The following CDKN1C variants were observed in gnomAD, a reference collection of about 807,000 sequenced individuals.
The protein encoded by CDKN1C is cyclin dependent kinase inhibitor 1C.
In CDKN1C, 7 loss-of-function variants were observed where a neutral mutation model predicts 16.5. That is an observed-to-expected ratio of 0.42 (90% CI 0.24 to 0.80). The LOEUF (loss-of-function observed/expected upper bound fraction) is 0.80, where lower values mean the gene tolerates loss of function less well. Among genes scored for constraint, CDKN1C ranks in the 30% least tolerant of loss-of-function variants. CDKN1C has a pLI of 0.26. For synonymous variants in CDKN1C, 288 were observed against 214.4 expected (o/e 1.34, Z -3.00); for missense variants, 429 against 437.3 (o/e 0.98, Z 0.17).
intron 2 of CDKN1C, 112 bp from the exon 3 acceptor site, chr11:2,884,246 GC>G (rs1056381793): frequency 5.6e-5 from 39 of 698,898 alleles, no homozygotes; most frequent in Non-Finnish European, 6.9e-5. Context: ...CGCCGTCCCC[GC>G]CCGCGCCGAG....
rs2583440 is a variant in CDKN1C, at chr11:2,884,879, G to A, written c.578C>T (p.Pro193Leu). Residue 193 changes from proline (P) to leucine (L), a missense_variant, in exon 2 of 4, where the codon CCG (proline) becomes CTG (leucine). Transcript: ENST00000440480. ...PVAAPAPAPAPAPAPAPAPAP... is the reference protein window; with the variant it reads ...PVAAPAPAPALAPAPAPAPAP... Reference sequence around the variant, plus strand: ...CGGGGCGGGGGCCGGGGCCGGGGCCGGGGCCGGGGCTGGGGCCGGGGCCGC... The same window carrying A: ...CGGGGCGGGGGCCGGGGCCGGGGCCAGGGCCGGGGCTGGGGCCGGGGCCGC... 8 of 920,506 alleles carry A rather than the reference G, an allele frequency of 8.7e-6. No individual in the cohort carries two copies. The highest frequency in any genetic ancestry group is 1.0e-5 in the Non-Finnish European group (8 of 762,186). The allele number at this position is 920,506 out of a possible 1,614,324, so 57.0% of individuals were successfully genotyped here.
At position 2,884,986 on chromosome 11, in the gene CDKN1C, C is replaced by T. The variant is rs2133784334; in HGVS notation, c.471G>A (p.Pro157=). The T allele has an allele frequency of 3.6e-6, 4 of 1,102,564 alleles. No homozygotes were observed. The highest frequency in any genetic ancestry group is 1.1e-6 in the Non-Finnish European group (1 of 877,698). The allele number at this position is 1,102,564 out of a possible 1,614,324, so 68.3% of individuals were successfully genotyped here. A position where few individuals can be genotyped will look rare whatever the true frequency, so the allele number is the denominator to read the frequency against. The change falls in exon 2 of 4, where the codon CCG becomes CCA. Residue 157 remains proline (P), a synonymous_variant. Coordinates refer to ENST00000440480, the MANE Select transcript of CDKN1C (RefSeq NM_001122630.2). ...PAPAPAPVAA[P]VAAPVAVAVL... is the part of the protein sequence containing the mutation. ...CCGCGACCGCGACCGGAGCCGCGACCGGAGCCGCGACCGGAGCCGGAGCCG... is the reference window on the plus strand; with the variant it reads ...CCGCGACCGCGACCGGAGCCGCGACTGGAGCCGCGACCGGAGCCGGAGCCG...
intron 2 of CDKN1C, 58 bp from the exon 3 acceptor site, chr11:2,884,192 G>C: frequency 4.1e-6 from 5 of 1,229,188 alleles, no homozygotes; most frequent in Non-Finnish European, 5.1e-6. Flanking sequence ...GACCCGAGAG[G>C]GGGCCGGGAG....
chr11:2,884,586 G>A, intron 2 of CDKN1C, 84 bp downstream of exon 2: 1 of 846,226 alleles, frequency 1.2e-6, no homozygotes, highest in Non-Finnish European at 1.6e-6. Context: ...CGGGAACCCA[G>A]CGAGGCCCCC....
Position 2,883,667 on chromosome 11 carries a change from C to T in CDKN1C, c.*254G>A. 1 of 761,080 alleles carries T rather than the reference C, an allele frequency of 1.3e-6. No homozygotes were observed. The highest frequency in any genetic ancestry group is 1.8e-6 in the Non-Finnish European group (1 of 549,582). The allele number at this position is 761,080 out of a possible 1,614,324, so 47.1% of individuals were successfully genotyped here. Reference sequence around the variant, plus strand: ...GCACTGAGTTTCAGCAGAGATTAAACATTTTATATAAATGACTCTTAAAGC... The same window carrying T: ...GCACTGAGTTTCAGCAGAGATTAAATATTTTATATAAATGACTCTTAAAGC... On this transcript the variant is annotated 3_prime_UTR_variant, in exon 4 of 4. Coordinates refer to ENST00000440480, the MANE Select transcript of CDKN1C (RefSeq NM_001122630.2).
In CDKN1C at chr11:2,885,092, G is replaced by A. The variant is rs1590150577; in HGVS notation, c.365C>T (p.Pro122Leu). ...AESLDGLEEA[P>L]EQLPSVPVPA... is the part of the protein sequence containing the mutation. ...GACCGGGACACTAGGCAGCTGCTCC[G>A]GCGCCTCCTCGAGGCCGTCGAGGGA... Residue 122 changes from proline (P) to leucine (L), a missense_variant, in exon 2 of 4, where the codon CCG becomes CTG. Pro to Leu is a moderately conservative substitution (Grantham distance 98). Coordinates refer to ENST00000440480, the MANE Select transcript of CDKN1C (RefSeq NM_001122630.2). 5.6e-6 allele frequency: 8 copies of A among 1,416,408 alleles called. No individual in the cohort carries two copies. Among genetic ancestry groups the A allele is most frequent in the East Asian group, 5.6e-5 (2 of 35,850 alleles). The allele number at this position is 1,416,408 out of a possible 1,614,324, so 87.7% of individuals were successfully genotyped here.
chr11:2,883,943 C>A (rs752274161), intron 3 of CDKN1C, 28 bp from the exon 4 acceptor site: 1 of 1,584,776 alleles, frequency 6.3e-7, no homozygotes, highest in East Asian at 2.3e-5. Flanking sequence ...GTCAGCAAAG[C>A]CGGCGGGGAC....
At position 2,884,799 on chromosome 11, in the gene CDKN1C, C is replaced by T. The variant is rs1564929482; in HGVS notation, c.658G>A (p.Gly220Arg). 6.8e-7 allele frequency: 1 copy of T among 1,467,520 alleles called. No homozygotes were observed. The highest frequency in any genetic ancestry group is 1.2e-5 in the South Asian group (1 of 80,160). 90.9% of individuals were successfully genotyped at this position (1,467,520 alleles called of 1,614,324 possible). A position where few individuals can be genotyped will look rare whatever the true frequency, so the allele number is the denominator to read the frequency against. ...GCGAGAGGCTCCTGGCCGCGCTGCC[C>T]CTGGTTCGCGCCCTGCTCGGCGCTC... Reference protein sequence around the residue: ...QESAEQGANQGQRGQEPLADQ... With the variant: ...QESAEQGANQRQRGQEPLADQ... The change falls in exon 2 of 4, where the codon GGG becomes AGG. Residue 220 changes from glycine to arginine, a missense_variant. Transcript: ENST00000440480.
rs936642452 is a variant in CDKN1C, at chr11:2,885,731, C to A, written c.-108G>T. On this transcript the variant is annotated 5_prime_UTR_variant, in exon 1 of 4. Coordinates refer to ENST00000440480, the MANE Select transcript of CDKN1C (RefSeq NM_001122630.2). ...ATGCCTGCTGGCTAGCTCGCTCGCTCAGGCCTGGCCGGCACCCCTCGAGCA... is the reference window on the plus strand; with the variant it reads ...ATGCCTGCTGGCTAGCTCGCTCGCTAAGGCCTGGCCGGCACCCCTCGAGCA... 6.7e-6 allele frequency: 4 copies of A among 592,858 alleles called. No homozygotes were observed. The highest frequency in any genetic ancestry group is 1.9e-5 in the African/African-American group (1 of 53,228). 36.7% of individuals were successfully genotyped at this position (592,858 alleles called of 1,614,324 possible). A position where few individuals can be genotyped will look rare whatever the true frequency, so the allele number is the denominator to read the frequency against.
At position 2,884,069 on chromosome 11, in the gene CDKN1C, GA is replaced by G; in HGVS notation, c.852del (p.Ser286LeufsTer24). 6.4e-7 allele frequency: 1 copy of G among 1,551,954 alleles called. No individual in the cohort carries two copies. The highest frequency in any genetic ancestry group is 8.7e-7 in the Non-Finnish European group (1 of 1,148,568). On this transcript the variant is annotated frameshift_variant, in exon 3 of 4. Transcript: ENST00000440480. LOFTEE classifies it high-confidence loss of function. ...ACGCCAGGGGCGGCGCTTGGAGAGG[GA>G]CACGGCGCGGGGACATCGCCCGACG... ...EKSSGDVPAP[C>X]PSPSAAPGVG...
chr11:2,885,014 G>A lies in CDKN1C; in HGVS notation c.443C>T (p.Ala148Val), dbSNP rs372633. The change falls in exon 2 of 4, where the codon GCC (alanine) becomes GTC (valine). Residue 148 changes from alanine (A) to valine (V), a missense_variant. Ala to Val is a moderately conservative substitution (Grantham distance 64, BLOSUM62 0). Transcript: ENST00000440480. Reference sequence around the variant, plus strand: ...AGCCGCGACCGGAGCCGGAGCCGGGGCCGGGGCTGGAGCCAGGACCGGGAC... The same window carrying A: ...AGCCGCGACCGGAGCCGGAGCCGGGACCGGGGCTGGAGCCAGGACCGGGAC... ...PPVPVLAPAP[A>V]PAPAPVAAPV... 2 of 1,199,868 alleles carry A rather than the reference G, an allele frequency of 1.7e-6. No individual in the cohort carries two copies. Among genetic ancestry groups the A allele is most frequent in the Non-Finnish European group, 2.1e-6 (2 of 957,358 alleles). The allele number at this position is 1,199,868 out of a possible 1,614,324, so 74.3% of individuals were successfully genotyped here.
intron 1 of CDKN1C, 21 bp from the exon 2 acceptor site, chr11:2,885,487 C>T: frequency 1.3e-6 from 2 of 1,542,942 alleles, no homozygotes; most frequent in Non-Finnish European, 1.7e-6. Context: ...ACGCGTCGGA[C>T]ATGGCCCGGG....
At position 2,885,689 on chromosome 11, in the gene CDKN1C, G is replaced by A. The variant is rs918182220; in HGVS notation, c.-66C>T. 18 of 648,496 alleles carry A rather than the reference G, an allele frequency of 2.8e-5. No homozygotes were observed. The highest frequency in any genetic ancestry group is 9.1e-5 in the African/African-American group (5 of 54,702). The allele number at this position is 648,496 out of a possible 1,614,324, so 40.2% of individuals were successfully genotyped here. The stretch of plus-strand genomic sequence containing the variant: ...CGGGTTCGCCTGTCTCGTCCGGACG[G>A]CAGCCGCGCCCCCTCGATGCCTGCT... On this transcript the variant is annotated 5_prime_UTR_variant, in exon 1 of 4. Transcript: ENST00000440480.
chr11:2,885,182 A>AGCAG lies in CDKN1C; in HGVS notation c.271_274dup (p.Leu92ProfsTer23), dbSNP rs1848967528. 6.5e-7 allele frequency: 1 copy of AGCAG among 1,530,622 alleles called. No homozygotes were observed. Among genetic ancestry groups the AGCAG allele is most frequent in the African/African-American group, 1.4e-5 (1 of 71,750 alleles). The allele number at this position is 1,530,622 out of a possible 1,614,324, so 94.8% of individuals were successfully genotyped here. ...GACCGCGACGGGCCGCGGCGCCAGC[A>AGCAG]GCAGGCGGCAGCGCCCCACCTGCAC... On this transcript the variant is annotated frameshift_variant, in exon 2 of 4. Transcript: ENST00000440480. LOFTEE classifies it high-confidence loss of function.
At position 2,885,775 on chromosome 11, in the gene CDKN1C, G is replaced by C; in HGVS notation, c.-152C>G. The C allele has an allele frequency of 1.9e-6, 1 of 536,970 alleles. No homozygotes were observed. Among genetic ancestry groups the C allele is most frequent in the Non-Finnish European group, 3.3e-6 (1 of 303,900 alleles). 33.3% of individuals were successfully genotyped at this position (536,970 alleles called of 1,614,324 possible). On this transcript the variant is annotated 5_prime_UTR_variant, in exon 1 of 4. Coordinates refer to ENST00000440480, the MANE Select transcript of CDKN1C (RefSeq NM_001122630.2). ...TCGAGCACAGCGCACTTGGCCTGTG[G>C]AACGCCCAGCCCGCCTGCGCCCCCT...
intron 1 of CDKN1C, 55 bp downstream of exon 1, chr11:2,885,579 G>C: frequency 6.8e-7 from 1 of 1,477,660 alleles, no homozygotes; most frequent in Non-Finnish European, 9.1e-7. Context: ...GAGGCCGGGC[G>C]CAAGGGAGAC....
chr11:2,885,040 T>A lies in CDKN1C; in HGVS notation c.417A>T (p.Pro139=), dbSNP rs1486402339. ...PVPAPASTPP[P]VPVLAPAPAP... is the part of the protein sequence containing the mutation. ...CCGGGGCTGGAGCCAGGACCGGGAC[T>A]GGGGGCGGGGTGGACGCCGGGGCCG... The change falls in exon 2 of 4, where the codon CCA becomes CCT. Residue 139 remains proline (P), a synonymous_variant. Coordinates refer to ENST00000440480, the MANE Select transcript of CDKN1C (RefSeq NM_001122630.2). The A allele has an allele frequency of 1.6e-4, 214 of 1,317,308 alleles. No homozygotes were observed. The highest frequency in any genetic ancestry group is 2.0e-4 in the Non-Finnish European group (203 of 1,037,592). The allele number at this position is 1,317,308 out of a possible 1,614,324, so 81.6% of individuals were successfully genotyped here.
intron 2 of CDKN1C, 50 bp from the exon 3 acceptor site, chr11:2,884,184 C>T: frequency 1.6e-6 from 2 of 1,273,102 alleles, no homozygotes; most frequent in Non-Finnish European, 2.0e-6. Flanking sequence ...GGCCCGGAGA[C>T]CCGAGAGGGG....
In CDKN1C at chr11:2,884,597, G is replaced by A. The variant is rs368106038; in HGVS notation, c.787+73C>T. 135 of 977,252 alleles carry A rather than the reference G, an allele frequency of 1.4e-4. No individual in the cohort carries two copies. In the East Asian group the frequency reaches 3.7e-3, roughly 27 times the overall value. 60.5% of individuals were successfully genotyped at this position (977,252 alleles called of 1,614,324 possible). ...GAGGCGGGAACCCAGCGAGGCCCCC[G>A]AGGGCTGGGGGGACCGGCCGGCCGG... On this transcript the variant is annotated intron_variant, in intron 2 of 3. Coordinates refer to ENST00000440480, the MANE Select transcript of CDKN1C (RefSeq NM_001122630.2).
Sources: allele counts gnomAD v4.1 joint callset, GRCh38; gene constraint gnomAD v4.1.1; transcripts MANE v1.5; gene names NCBI Gene and HGNC (gene_info 2026-07-23, HGNC 2026-07-21).